The following MPDZ variants were observed in gnomAD, a reference collection of about 807,000 sequenced individuals.
MPDZ encodes multiple PDZ domain protein.
MPDZ carries 234 observed loss-of-function variants against 239.1 expected under a neutral mutation model. The ratio of observed to expected loss-of-function variants is 0.98; its 90% CI spans 0.88 to 1.09. The LOEUF (loss-of-function observed/expected upper bound fraction) is 1.09, where lower values mean the gene tolerates loss of function less well. MPDZ is among the 50% of genes least tolerant of loss of function. The pLI, the probability that MPDZ is intolerant of heterozygous loss-of-function variation, is 0.00. For synonymous variants in MPDZ, 1,048 were observed against 881.3 expected, an observed-to-expected ratio of 1.19 and a Z score of -3.35; for missense variants, 3,175 against 2,510.0, an observed-to-expected ratio of 1.26 and a Z score of -5.66.
chr9:13,129,049 TAAGAG>T (rs1945533786), intron 32 of MPDZ, among the ~76,000 whole-genome samples: 1 of 152,132 alleles, frequency 6.6e-6, no homozygotes, highest in African/African-American at 2.4e-5. Context: ...TTATTTGCAA[TAAGAG>T]GAGTCCTAAA....
Position 13,132,224 on chromosome 9 carries a change from G to C in MPDZ, c.4464+1600C>G, listed in dbSNP as rs189497897. On this transcript the variant is annotated intron_variant, in intron 32 of 46. Coordinates refer to ENST00000319217, the MANE Select transcript of MPDZ (RefSeq NM_001378778.1). ...GGCAGAAACCAGCTTTTATATTGCA[G>C]AATGAAGGAACCTTGCTCATTAGCT... Among the ~76,000 whole-genome samples the C allele has an allele frequency of 4.3e-4, 65 of 152,286 alleles. 1 individual carries two copies. The highest frequency in any genetic ancestry group is 1.3e-3 in the African/African-American group (56 of 41,556).
chr9:13,108,892 G>T (rs1219626062), intron 46 of MPDZ, 44 bp downstream of exon 46: 5 of 1,592,056 alleles, frequency 3.1e-6, no homozygotes, highest in Non-Finnish European at 4.3e-6. Context: ...CACTATTAAT[G>T]AATGTTTAGG....
intron 19 of MPDZ, among the ~76,000 whole-genome samples, chr9:13,180,148 C>CA (rs920441065): frequency 2.6e-4 from 39 of 148,070 alleles, no homozygotes; most frequent in Admixed American, 6.0e-4. Context: ...ACCCCATCTG[C>CA]AAAAAAAAAT....
intron 19 of MPDZ, among the ~76,000 whole-genome samples, chr9:13,177,482 T>A (rs939918857): frequency 6.6e-6 from 1 of 152,254 alleles, no homozygotes; most frequent in Non-Finnish European, 1.5e-5. Context: ...CACTCACACA[T>A]ACAAGCAGAT....
At chr9:13,241,253 G>C (rs981894768) in intron 3 of MPDZ, among the ~76,000 whole-genome samples, 1 of 152,148 alleles carries the variant, frequency 6.6e-6, no homozygotes, top group Admixed American at 6.5e-5. Context: ...ATGCACACTA[G>C]AGTCTCGAGA....
At chr9:13,259,405 T>A (rs1197264200) in intron 1 of MPDZ, among the ~76,000 whole-genome samples, 1 of 152,108 alleles carries the variant, frequency 6.6e-6, no homozygotes, top group African/African-American at 2.4e-5. Flanking sequence ...AATTCTGTCA[T>A]TCACTGATTC....
intron 3 of MPDZ, among the ~76,000 whole-genome samples, chr9:13,236,173 TTG>T (rs561178772): frequency 4.2e-5 from 6 of 142,794 alleles, no homozygotes; most frequent in Non-Finnish European, 6.1e-5. Context: ...ATGCTGGGTT[TTG>T]TGTGTGTGTG....
chr9:13,161,952 C>T (rs960232715), intron 23 of MPDZ, among the ~76,000 whole-genome samples: 1 of 152,054 alleles, frequency 6.6e-6, no homozygotes, highest in African/African-American at 2.4e-5. Flanking sequence ...TCCAAAAGAG[C>T]AAGAAAATTA....
At position 13,235,601 on chromosome 9, in the gene MPDZ, C is replaced by T. The variant is rs62532874; in HGVS notation, c.184-11018G>A. On this transcript the variant is annotated intron_variant, in intron 3 of 46. Coordinates refer to ENST00000319217, the MANE Select transcript of MPDZ (RefSeq NM_001378778.1). The stretch of plus-strand genomic sequence containing the variant: ...ATAGTGATTGAGAACACACATTATA[C>T]TTTGCAGATATTTTTAAGTAGCCTT... 3.0e-3 allele frequency among the ~76,000 whole-genome samples: 456 copies of T among 152,270 alleles called. 2 individuals are homozygous for T. The highest frequency in any genetic ancestry group is 5.0e-3 in the Non-Finnish European group (338 of 68,014).
At chr9:13,155,612 T>A (rs887207194) in intron 24 of MPDZ, among the ~76,000 whole-genome samples, 2 of 152,092 alleles carry the variant, frequency 1.3e-5, no homozygotes, top group Non-Finnish European at 2.9e-5. Context: ...AAAATGAAAA[T>A]CACATGCAAA....
chr9:13,107,014 G>T lies in MPDZ; in HGVS notation c.6164C>A (p.Ala2055Asp). Residue 2055 changes from alanine (A) to aspartate (D), a missense_variant, in exon 47 of 47, where the codon GCC (alanine) becomes GAC (aspartate). Ala to Asp is a moderately radical substitution (Grantham distance 126). Transcript: ENST00000319217. ...LEGVTHEEAV[A>D]ILKRTKGTVT... ...AGTGCCTTTTGTCCGTTTAAGGATG[G>T]CAACAGCTTCTTCATGGGTGACTCC... The T allele has an allele frequency of 6.2e-7, 1 of 1,613,436 alleles. No individual in the cohort carries two copies. The highest frequency in any genetic ancestry group is 8.5e-7 in the Non-Finnish European group (1 of 1,179,486).
chr9:13,182,349 C>T (rs1050425333), intron 19 of MPDZ, among the ~76,000 whole-genome samples: 1 of 151,850 alleles, frequency 6.6e-6, no homozygotes, highest in Non-Finnish European at 1.5e-5. Context: ...AAACATTCTG[C>T]CATATTTTCA....
At chr9:13,119,902 G>A (rs1339513530) in intron 38 of MPDZ, 2 of 458,020 alleles carry the variant, frequency 4.4e-6, no homozygotes, top group Non-Finnish European at 7.9e-6. Flanking sequence ...TATACACTGA[G>A]TAGAAGCGTG....
chr9:13,190,363 T>C (rs1322372700), intron 15 of MPDZ, 64 bp from the exon 16 acceptor site: 3 of 1,306,678 alleles, frequency 2.3e-6, no homozygotes, highest in Non-Finnish European at 2.0e-6. Flanking sequence ...ATACCAACAC[T>C]ACAAGAAAAG....
rs1782692061 is a variant in MPDZ at position 13,222,711 on chromosome 9, A to G, written c.534-265T>C. Among the ~76,000 whole-genome samples the G allele has an allele frequency of 2.0e-5, 3 of 152,096 alleles. No individual in the cohort carries two copies. In the South Asian group the frequency reaches 6.2e-4, roughly 32 times the overall value. ...CAGCTACCTACTCAGCCTACATTACATCTTGGATATTCTCATCTTCTAAAA... is the reference window on the plus strand; with the variant it reads ...CAGCTACCTACTCAGCCTACATTACGTCTTGGATATTCTCATCTTCTAAAA... On this transcript the variant is annotated intron_variant, in intron 5 of 46. Coordinates refer to ENST00000319217, the MANE Select transcript of MPDZ (RefSeq NM_001378778.1).
At chr9:13,140,176 G>C (rs1365154336) in intron 27 of MPDZ, 27 bp from the exon 28 acceptor site, 7 of 1,609,078 alleles carry the variant, frequency 4.4e-6, no homozygotes, top group Non-Finnish European at 5.9e-6. Context: ...AATGCAGTGG[G>C]TTTGTACAGT....
intron 1 of MPDZ, among the ~76,000 whole-genome samples, chr9:13,268,030 A>G (rs988914454): frequency 6.6e-6 from 1 of 152,174 alleles, no homozygotes; most frequent in East Asian, 1.9e-4. Flanking sequence ...AAGGTATTCA[A>G]AAGTGTTTGG....
chr9:13,171,867 G>C (rs1002177522), intron 21 of MPDZ, among the ~76,000 whole-genome samples: 6 of 151,996 alleles, frequency 3.9e-5, no homozygotes, highest in Non-Finnish European at 8.8e-5. Flanking sequence ...CTGATTAAGG[G>C]GAGACTATGA....
chr9:13,122,093 G>T lies in MPDZ; in HGVS notation c.5031C>A (p.Ile1677=), dbSNP rs764600037. ...AAAAACAGGCATTCTATACCTCTAA[G>T]ATCTGATCTCCAGCCCAGAGTCTTC... ...KDGRLWAGDQ[I]LEVNGIDLRK... is the part of the protein sequence containing the mutation. Residue 1677 remains isoleucine (I), a synonymous_variant, in exon 37 of 47, where the codon ATC becomes ATA. Transcript: ENST00000319217. 1.2e-6 allele frequency: 2 copies of T among 1,613,852 alleles called. No homozygotes were observed. Among genetic ancestry groups the T allele is most frequent in the African/African-American group, 1.3e-5 (1 of 75,030 alleles).
Sources: allele counts gnomAD v4.1 joint callset (sites outside exome capture counted in the v4.1 genomes callset), GRCh38; gene constraint gnomAD v4.1.1; transcripts MANE v1.5; gene names NCBI Gene and HGNC (gene_info 2026-07-23, HGNC 2026-07-21).